Variants in LDB3 observed in about 807,000 individuals in gnomAD.
LDB3 encodes LIM domain-binding protein 3.
LDB3 carries 49 observed loss-of-function variants against 69.0 expected under a neutral mutation model. That is an observed-to-expected ratio of 0.71 (90% confidence interval 0.56 to 0.90). The LOEUF is 0.90. Among genes scored for constraint, LDB3 ranks in the 40% least tolerant of loss-of-function variants. The pLI is 0.00. For missense variants in LDB3, 928 were observed against 974.1 expected, an observed-to-expected ratio of 0.95 and a Z score of 0.63; for synonymous variants, 387 against 396.2, an observed-to-expected ratio of 0.98 and a Z score of 0.28.
intron 5 of LDB3, among the ~76,000 whole-genome samples, chr10:86,688,646 C>T (rs1431951689): frequency 6.6e-6 from 1 of 152,226 alleles, no homozygotes. Context: ...AGCATTAGCT[C>T]ATGCGTACCC....
chr10:86,681,923 G>T, intron 5 of LDB3, 120 bp downstream of exon 5: 1 of 1,068,558 alleles, frequency 9.4e-7, no homozygotes, highest in Non-Finnish European at 1.4e-6. Flanking sequence ...CCAGCCCCGA[G>T]CCCATGAGGT....
intron 5 of LDB3, among the ~76,000 whole-genome samples, chr10:86,689,165 G>A (rs969973326): frequency 9.9e-5 from 15 of 151,860 alleles, no homozygotes; most frequent in South Asian, 4.2e-4. Flanking sequence ...CCCATAACTC[G>A]TTTCTGACCC....
In LDB3 at chr10:86,681,696, A is replaced by C. The variant is rs773428543; in HGVS notation, c.582A>C (p.Gln194His). ...TGCCGGGCTCGAGCCAGCCGAGGCAATATAACAACCCCATTGGCCTGTACT... is the reference window on the plus strand; with the variant it reads ...TGCCGGGCTCGAGCCAGCCGAGGCACTATAACAACCCCATTGGCCTGTACT... ...KALPGSSQPRQYNNPIGLYSA... is the reference protein window; with the variant it reads ...KALPGSSQPRHYNNPIGLYSA... Residue 194 changes from glutamine to histidine, a missense_variant, in exon 5 of 14, where the codon CAA becomes CAC. Transcript: ENST00000361373. The C allele has an allele frequency of 1.9e-6, 3 of 1,613,646 alleles. No homozygotes were observed. Among genetic ancestry groups the C allele is most frequent in the Non-Finnish European group, 2.5e-6 (3 of 1,179,894 alleles).
intron 2 of LDB3, among the ~76,000 whole-genome samples, chr10:86,677,430 T>G (rs1474848123): frequency 6.6e-6 from 1 of 152,158 alleles, no homozygotes; most frequent in Non-Finnish European, 1.5e-5. Context: ...GCATCTCATG[T>G]GATATTACTG....
intron 13 of LDB3, among the ~76,000 whole-genome samples, chr10:86,728,586 GTTT>G (rs201899694): frequency 7.6e-6 from 1 of 131,446 alleles, no homozygotes; most frequent in Non-Finnish European, 1.6e-5. Flanking sequence ...TGGTTCTTTT[GTTT>G]TTTTTTTTTT....
intron 7 of LDB3, among the ~76,000 whole-genome samples, chr10:86,703,496 G>A (rs12260726): frequency 0.036 from 5,473 of 152,318 alleles, 308 homozygotes; most frequent in African/African-American, 0.12. Context: ...GAAGACCTGG[G>A]CAGGATGTAA....
In LDB3 at chr10:86,716,449, A is replaced by G. The variant is rs1167435961; in HGVS notation, c.1354A>G (p.Thr452Ala). Reference protein sequence around the residue: ...APAYTPSPVPTYTPSPAPAYT... With the variant: ...APAYTPSPVPAYTPSPAPAYT... ...TGCCTACACCCCCTCACCTGTCCCC[A>G]CCTACACTCCATCCCCAGCACCAGC... The change falls in exon 10 of 14, where the codon ACC (threonine) becomes GCC (alanine). Residue 452 changes from threonine (T) to alanine (A), a missense_variant. Transcript: ENST00000361373. 1 of 1,233,180 alleles carries G rather than the reference A, an allele frequency of 8.1e-7. No individual in the cohort carries two copies. Among genetic ancestry groups the G allele is most frequent in the Middle Eastern group, 2.6e-4 (1 of 3,828 alleles). 76.4% of individuals were successfully genotyped at this position (1,233,180 alleles called of 1,614,324 possible).
At chr10:86,728,531 C>A (rs1035833563) in intron 13 of LDB3, among the ~76,000 whole-genome samples, 16 of 151,764 alleles carry the variant, frequency 1.1e-4, no homozygotes, top group African/African-American at 3.9e-4. Context: ...CCAAACCAGC[C>A]TGCATGATAC....
chr10:86,681,016 C>T (rs1201765880), intron 4 of LDB3, among the ~76,000 whole-genome samples: 1 of 152,262 alleles, frequency 6.6e-6, no homozygotes, highest in East Asian at 1.9e-4. Context: ...CCACCACCTG[C>T]CCACAACCAG....
Position 86,699,745 on chromosome 10 carries a change from A to C in LDB3, c.897-6786A>C. 9.0e-7 allele frequency: 1 copy of C among 1,115,662 alleles called. No individual in the cohort carries two copies. The highest frequency in any genetic ancestry group is 1.1e-6 in the Non-Finnish European group (1 of 905,536). The allele number at this position is 1,115,662 out of a possible 1,614,324, so 69.1% of individuals were successfully genotyped here. A position where few individuals can be genotyped will look rare whatever the true frequency, so the allele number is the denominator to read the frequency against. On this transcript the variant is annotated intron_variant, in intron 7 of 13. Coordinates refer to ENST00000361373, the MANE Select transcript of LDB3 (RefSeq NM_007078.3). The surrounding 1 kb of genome is among the most constrained non-coding windows in gnomAD (Gnocchi z 4.9). ...ATGGGCCGCTGCTCAGTTTCCCACC[A>C]TCCTCAGCTCCTGGCCTCATCCCCT... is the stretch of plus-strand genomic sequence containing the variant.
At chr10:86,685,526 C>G (rs973124558) in intron 5 of LDB3, 2 of 787,778 alleles carry the variant, frequency 2.5e-6, no homozygotes, top group Non-Finnish European at 4.6e-6. Context: ...GCTCTGAGTT[C>G]TCCCTCCTCA....
At chr10:86,668,457 T>G, upstream of LDB3, 9 of 593,600 alleles carry the variant, frequency 1.5e-5, no homozygotes, top group Non-Finnish European at 1.6e-5. Context: ...TTACAGTCCA[T>G]TTATGGGCGC....
At chr10:86,713,436 G>C (rs1564655732) in intron 9 of LDB3, among the ~76,000 whole-genome samples, 1 of 152,014 alleles carries the variant, frequency 6.6e-6, no homozygotes, top group South Asian at 2.1e-4. Context: ...GTAGAGACGG[G>C]GTTTCACCAT....
chr10:86,687,605 G>T (rs79689386), intron 5 of LDB3, among the ~76,000 whole-genome samples: 7,664 of 152,328 alleles, frequency 0.05, 250 homozygotes, highest in African/African-American at 0.091. Context: ...CCATTCTGGA[G>T]GCCCCCAGGC....
chr10:86,673,375 C>A (rs900427658), intron 2 of LDB3, among the ~76,000 whole-genome samples: 15 of 152,176 alleles, frequency 9.9e-5, no homozygotes, highest in African/African-American at 3.6e-4. Flanking sequence ...TGTGTGTGAG[C>A]AGGTGGGAGG....
upstream of LDB3, among the ~76,000 whole-genome samples, chr10:86,667,731 C>A (rs1844234835): frequency 6.6e-6 from 1 of 152,206 alleles, no homozygotes; most frequent in Non-Finnish European, 1.5e-5. Flanking sequence ...CTGGCTGGGC[C>A]CCCAGAGGGT....
At position 86,716,319 on chromosome 10, in the gene LDB3, T is replaced by G. The variant is rs1256222888; in HGVS notation, c.1232-8T>G. 6.2e-7 allele frequency: 1 copy of G among 1,611,726 alleles called. No individual in the cohort carries two copies. The highest frequency in any genetic ancestry group is 1.1e-5 in the South Asian group (1 of 90,998). On this transcript the variant is annotated splice_region_variant and splice_polypyrimidine_tract_variant and intron_variant, in intron 9 of 13. Transcript: ENST00000361373. ...CACCTTTCTTTGGGTTTTTTTTGGCTTTTGCAGTGCCTGCATCTACCTACA... is the reference window on the plus strand; with the variant it reads ...CACCTTTCTTTGGGTTTTTTTTGGCGTTTGCAGTGCCTGCATCTACCTACA...
chr10:86,718,574 C>T (rs1846960680), intron 11 of LDB3, among the ~76,000 whole-genome samples, 153 bp from the exon 12 acceptor site: 1 of 152,188 alleles, frequency 6.6e-6, no homozygotes, highest in South Asian at 2.1e-4. Context: ...CTCTGACACC[C>T]CTGGGTCTTT....
At chr10:86,673,729 G>T (rs774986654) in intron 2 of LDB3, among the ~76,000 whole-genome samples, 1 of 152,124 alleles carries the variant, frequency 6.6e-6, no homozygotes, top group Non-Finnish European at 1.5e-5. Context: ...TGGGGAGGGG[G>T]AGCTGCTGAA....
Sources: gnomAD v4.1 joint callset for allele counts (sites outside exome capture counted in the v4.1 genomes callset) on GRCh38, gnomAD v4.1.1 for gene constraint, Gnocchi (gnomAD v3.1) non-coding constraint, MANE v1.5 for transcripts, NCBI Gene and HGNC (gene_info 2026-07-23, HGNC 2026-07-21) for gene names.